CCSER1: variants seen among roughly 807,000 people sequenced by gnomAD.
CCSER1 encodes coiled-coil serine rich protein 1.
Under a neutral mutation model 82.0 loss-of-function variants are expected in CCSER1, and 41 were observed. The ratio of observed to expected loss-of-function variants is 0.50; its 90% CI spans 0.39 to 0.65. The LOEUF (loss-of-function observed/expected upper bound fraction) is 0.65. Among genes scored for constraint, CCSER1 ranks in the 30% least tolerant of loss-of-function variants. The pLI is 0.00. For synonymous variants in CCSER1, 414 were observed against 383.9 expected, an observed-to-expected ratio of 1.08 and a Z score of -0.92; for missense variants, 1,119 against 1,064.2, an observed-to-expected ratio of 1.05 and a Z score of -0.72.
intron 5 of CCSER1, among the ~76,000 whole-genome samples, chr4:90,623,205 T>G (rs2148889422): frequency 6.6e-6 from 1 of 151,876 alleles, no homozygotes; most frequent in African/African-American, 2.4e-5. Context: ...TTATTTTTTT[T>G]TTGTATTTTT....
At chr4:90,279,717 C>A (rs1728548170) in intron 1 of CCSER1, among the ~76,000 whole-genome samples, 1 of 151,912 alleles carries the variant, frequency 6.6e-6, no homozygotes, top group African/African-American at 2.4e-5. Context: ...ACCTACTGAC[C>A]GACCTCCCAT....
At chr4:90,937,900 A>C (rs552975364) in intron 9 of CCSER1, among the ~76,000 whole-genome samples, 36 of 152,226 alleles carry the variant, frequency 2.4e-4, no homozygotes, top group South Asian at 1.2e-3. Flanking sequence ...TAATGTTGCC[A>C]GTTTCCTATA....
At chr4:90,329,525 A>G (rs1249811197) in intron 3 of CCSER1, among the ~76,000 whole-genome samples, 2 of 152,158 alleles carry the variant, frequency 1.3e-5, no homozygotes, top group Non-Finnish European at 2.9e-5. Context: ...TGACAGTGTT[A>G]GTTCCTTTCA....
chr4:90,550,469 CAGA>C, intron 5 of CCSER1, among the ~76,000 whole-genome samples: 1 of 152,150 alleles, frequency 6.6e-6, no homozygotes, highest in Non-Finnish European at 1.5e-5. Flanking sequence ...AACTTTTTGG[CAGA>C]AGAACTTTTC....
chr4:90,320,876 A>G (rs1429391880), intron 3 of CCSER1, among the ~76,000 whole-genome samples: 1 of 152,128 alleles, frequency 6.6e-6, no homozygotes, highest in Non-Finnish European at 1.5e-5. Flanking sequence ...GGTTTGAGTA[A>G]TACTTAGCAC....
intron 6 of CCSER1, among the ~76,000 whole-genome samples, chr4:90,656,219 A>G (rs1280858008): frequency 1.3e-5 from 2 of 151,838 alleles, no homozygotes; most frequent in African/African-American, 4.8e-5. Context: ...CTTTATTTCC[A>G]TGTTTTCTCC....
chr4:90,779,399 C>T (rs76856512), intron 7 of CCSER1, among the ~76,000 whole-genome samples: 28,204 of 151,724 alleles, frequency 0.19, 3,220 homozygotes, highest in South Asian at 0.27. Flanking sequence ...TTACATAACG[C>T]TCATCATACT....
At chr4:90,215,637 A>C (rs140858408) in intron 1 of CCSER1, among the ~76,000 whole-genome samples, 254 of 152,330 alleles carry the variant, frequency 1.7e-3, no homozygotes, top group African/African-American at 5.8e-3. Flanking sequence ...AAATATACAC[A>C]GGGCACTAGT....
At chr4:91,199,556 A>G (rs1264602598) in intron 10 of CCSER1, among the ~76,000 whole-genome samples, 1 of 152,012 alleles carries the variant, frequency 6.6e-6, no homozygotes, top group Non-Finnish European at 1.5e-5. Context: ...ATAAAATAAA[A>G]CTCAAAATTT....
intron 10 of CCSER1, among the ~76,000 whole-genome samples, chr4:91,223,029 A>C (rs1475923307): frequency 6.6e-6 from 1 of 150,410 alleles, no homozygotes; most frequent in Non-Finnish European, 1.5e-5. Context: ...AGTTGACATC[A>C]CTAACTGAAT....
intron 7 of CCSER1, among the ~76,000 whole-genome samples, chr4:90,782,403 A>G (rs1191855997): frequency 6.6e-6 from 1 of 152,198 alleles, no homozygotes; most frequent in Non-Finnish European, 1.5e-5. Context: ...ACGTACAATG[A>G]CAAAATATGA....
At position 90,231,416 on chromosome 4, in the gene CCSER1, C is replaced by T. The variant is rs556063067; in HGVS notation, c.-41-76828C>T. On this transcript the variant is annotated intron_variant, in intron 1 of 10. Coordinates refer to ENST00000509176, the MANE Select transcript of CCSER1 (RefSeq NM_001145065.2). ...TGCGGAAAAGGCCTTTGACAAAATT[C>T]AACAACCCTTCATGCTAAAAACTCT... Among the ~76,000 whole-genome samples the T allele has an allele frequency of 3.2e-3, 481 of 150,800 alleles. 3 individuals are homozygous for T. Among genetic ancestry groups the T allele is most frequent in the Non-Finnish European group, 6.0e-3 (408 of 67,740 alleles).
intron 4 of CCSER1, among the ~76,000 whole-genome samples, chr4:90,455,196 G>T (rs116369693): frequency 6.6e-6 from 1 of 152,308 alleles, no homozygotes; most frequent in South Asian, 2.1e-4. Flanking sequence ...CTACAGAAAA[G>T]TTCCAGCTTC....
intron 1 of CCSER1, among the ~76,000 whole-genome samples, chr4:90,163,829 T>G (rs1729934775): frequency 6.6e-6 from 1 of 152,144 alleles, no homozygotes; most frequent in Non-Finnish European, 1.5e-5. Context: ...TTTCTAGATT[T>G]GTAGTAATAA....
intron 4 of CCSER1, among the ~76,000 whole-genome samples, chr4:90,455,982 T>G (rs913180030): frequency 3.9e-5 from 6 of 152,100 alleles, no homozygotes; most frequent in African/African-American, 1.4e-4. Context: ...TATGGACCCA[T>G]TAAATTAGTG....
intron 1 of CCSER1, among the ~76,000 whole-genome samples, chr4:90,288,307 T>C (rs1477715775): frequency 6.6e-6 from 1 of 151,934 alleles, no homozygotes; most frequent in Non-Finnish European, 1.5e-5. Flanking sequence ...CCCAGGGAGT[T>C]TGCACTTGAT....
At chr4:90,977,271 C>G (rs982941397) in intron 9 of CCSER1, among the ~76,000 whole-genome samples, 3 of 151,512 alleles carry the variant, frequency 2.0e-5, no homozygotes, top group South Asian at 2.1e-4. Context: ...CCACCTACCT[C>G]CAGCCTTCTT....
At chr4:90,514,724 C>G (rs562273203) in intron 5 of CCSER1, among the ~76,000 whole-genome samples, 3 of 151,734 alleles carry the variant, frequency 2.0e-5, no homozygotes, top group Admixed American at 1.3e-4. Flanking sequence ...CCACTGTACT[C>G]CAACCTGGGT....
intron 1 of CCSER1, among the ~76,000 whole-genome samples, chr4:90,141,886 G>C (rs1339203489): frequency 6.6e-6 from 1 of 152,188 alleles, no homozygotes; most frequent in Non-Finnish European, 1.5e-5. Flanking sequence ...TTTGGACAAT[G>C]TTGACTATGC....
Sources: gnomAD v4.1 joint callset for allele counts (sites outside exome capture counted in the v4.1 genomes callset) on GRCh38, gnomAD v4.1.1 for gene constraint, MANE v1.5 for transcripts, NCBI Gene and HGNC (gene_info 2026-07-23, HGNC 2026-07-21) for gene names.